Variants in MYO18B observed in about 807,000 individuals in gnomAD.
MYO18B encodes the protein myosin XVIIIB.
Under a neutral mutation model 273.0 loss-of-function variants are expected in MYO18B, and 204 were observed. The observed-to-expected ratio is 0.75, with a 90% CI of 0.67 to 0.84. The LOEUF (loss-of-function observed/expected upper bound fraction) is 0.84, where lower values mean the gene tolerates loss of function less well. MYO18B is among the 40% of genes least tolerant of loss of function. The pLI is 0.00. For missense variants in MYO18B, 3,212 were observed against 3,287.6 expected (o/e 0.98, Z 0.56); for synonymous variants, 1,330 against 1,305.7 (o/e 1.02, Z -0.40).
chr22:26,027,867 C>T lies in MYO18B; in HGVS notation c.*12+177C>T, dbSNP rs145498620. ...GGATGCAAAGCTTTTCAGAACCCCTCTGCTGGGTACCTCTACTTCCTTGTA... is the reference window on the plus strand; with the variant it reads ...GGATGCAAAGCTTTTCAGAACCCCTTTGCTGGGTACCTCTACTTCCTTGTA... On this transcript the variant is annotated intron_variant, in intron 43 of 43. Coordinates refer to ENST00000335473, the MANE Select transcript of MYO18B (RefSeq NM_032608.7). This position sits in a 1 kb window ranked among gnomAD's most constrained non-coding sequence, Gnocchi z 4.1. 2.6e-4 allele frequency: 164 copies of T among 629,388 alleles called. 1 individual carries two copies. The highest frequency in any genetic ancestry group is 2.5e-3 in the African/African-American group (134 of 54,590). 39.0% of individuals were successfully genotyped at this position (629,388 alleles called of 1,614,324 possible). A position where few individuals can be genotyped will look rare whatever the true frequency, so the allele number is the denominator to read the frequency against.
At chr22:25,810,961 C>T (rs2088723678) in intron 12 of MYO18B, among the ~76,000 whole-genome samples, 2 of 152,196 alleles carry the variant, frequency 1.3e-5, no homozygotes, top group South Asian at 4.2e-4. Flanking sequence ...TTGTTAGTAT[C>T]ATACAGGATA....
intron 34 of MYO18B, among the ~76,000 whole-genome samples, chr22:25,927,362 CT>C (rs1199627846): frequency 6.6e-6 from 1 of 152,132 alleles, no homozygotes. Context: ...AACAGCCCCC[CT>C]AGGTGCGCCT....
intron 33 of MYO18B, 63 bp downstream of exon 33, chr22:25,911,113 C>T (rs1415517000): frequency 3.2e-6 from 4 of 1,232,224 alleles, no homozygotes; most frequent in Non-Finnish European, 4.7e-6. Context: ...GAGAGATGGG[C>T]TCATGGAGAG....
intron 21 of MYO18B, among the ~76,000 whole-genome samples, 183 bp downstream of exon 21, chr22:25,851,762 C>T (rs1021718581): frequency 5.3e-5 from 8 of 152,182 alleles, no homozygotes; most frequent in Non-Finnish European, 8.8e-5. Flanking sequence ...ATGACTTTGA[C>T]TAAGGTCCAG....
intron 9 of MYO18B, among the ~76,000 whole-genome samples, chr22:25,780,446 C>T (rs987182363): frequency 6.6e-6 from 1 of 151,624 alleles, no homozygotes; most frequent in African/African-American, 2.4e-5. Flanking sequence ...AAAAATTAGC[C>T]AAGTGTGGTG....
chr22:25,880,330 A>C (rs2091303075), intron 25 of MYO18B, among the ~76,000 whole-genome samples: 1 of 152,254 alleles, frequency 6.6e-6, no homozygotes, highest in South Asian at 2.1e-4. Flanking sequence ...AGGGTGAGGC[A>C]AGTAAACATT....
intron 22 of MYO18B, among the ~76,000 whole-genome samples, chr22:25,871,876 C>T (rs534160329): frequency 6.6e-6 from 1 of 152,236 alleles, no homozygotes; most frequent in Non-Finnish European, 1.5e-5. Context: ...TGGTTGTTTC[C>T]AATTATCTTT....
chr22:25,962,827 C>T (rs973463540), intron 39 of MYO18B, among the ~76,000 whole-genome samples: 15 of 152,162 alleles, frequency 9.9e-5, no homozygotes, highest in African/African-American at 2.2e-4. Context: ...ATGTTTATCA[C>T]GACATCTCTC....
In MYO18B at chr22:25,770,564, G is replaced by A. The variant is rs557994247; in HGVS notation, c.1580-308G>A. 7.2e-5 allele frequency among the ~76,000 whole-genome samples: 11 copies of A among 152,256 alleles called. No homozygotes were observed. In the South Asian group the frequency reaches 2.3e-3, roughly 32 times the overall value. On this transcript the variant is annotated intron_variant, in intron 5 of 43. Transcript: ENST00000335473. The stretch of plus-strand genomic sequence containing the variant: ...ATTAGTGATGTCTGCCATGGGCACT[G>A]GAGGGGGAAATGGCAGTCTGTGTGT...
chr22:25,902,673 G>T lies in MYO18B; in HGVS notation c.4884G>T (p.Glu1628Asp), dbSNP rs1451531572. ...CAGTGTTTGAGAAGGGTCTCCGTGA[G>T]AAAGTGACCCAGGAGAACACCAGTG... Reference protein sequence around the residue: ...GESVFEKGLREKVTQENTSVR... With the variant: ...GESVFEKGLRDKVTQENTSVR... Residue 1628 changes from glutamate to aspartate, a missense_variant, in exon 30 of 44, where the codon GAG becomes GAT. Transcript: ENST00000335473. The T allele has an allele frequency of 6.9e-6, 11 of 1,599,580 alleles. No individual in the cohort carries two copies. The highest frequency in any genetic ancestry group is 3.3e-4 in the Middle Eastern group (2 of 6,052).
At chr22:25,892,901 G>A (rs9620565) in intron 27 of MYO18B, among the ~76,000 whole-genome samples, 5,803 of 152,224 alleles carry the variant, frequency 0.038, 118 homozygotes, top group Middle Eastern at 0.065. Context: ...TTCCATCTGC[G>A]TGAAATTCAT....
chr22:25,819,680 T>G (rs1389655232), intron 12 of MYO18B, among the ~76,000 whole-genome samples: 1 of 152,154 alleles, frequency 6.6e-6, no homozygotes, highest in East Asian at 1.9e-4. Flanking sequence ...ATATTTCTGT[T>G]TACAGTGTAT....
At chr22:25,744,296 A>G (rs1192703218) in intron 1 of MYO18B, among the ~76,000 whole-genome samples, 1 of 152,184 alleles carries the variant, frequency 6.6e-6, no homozygotes, top group East Asian at 1.9e-4. Context: ...CCAGCTGCCA[A>G]AAGATAGGGA....
At chr22:25,836,141 G>T (rs888294318) in intron 17 of MYO18B, among the ~76,000 whole-genome samples, 1 of 152,134 alleles carries the variant, frequency 6.6e-6, no homozygotes, top group South Asian at 2.1e-4. Context: ...CAAGAGGGGA[G>T]ATGAAGGCGT....
intron 17 of MYO18B, among the ~76,000 whole-genome samples, chr22:25,836,033 A>G (rs774358876): frequency 6.4e-4 from 97 of 152,138 alleles, no homozygotes; most frequent in Admixed American, 3.1e-3. Flanking sequence ...TCAGGGTGAG[A>G]GAGGAGCTGG....
At chr22:25,915,234 G>T (rs2092242301) in intron 33 of MYO18B, among the ~76,000 whole-genome samples, 1 of 152,096 alleles carries the variant, frequency 6.6e-6, no homozygotes. Flanking sequence ...TACAGTGATG[G>T]ATTGCTTAGT....
chr22:25,993,449 C>T (rs1255669081), intron 40 of MYO18B, among the ~76,000 whole-genome samples: 4 of 152,192 alleles, frequency 2.6e-5, no homozygotes, highest in Admixed American at 2.6e-4. Flanking sequence ...CCTGTACACA[C>T]CTGAGCAGGC....
chr22:25,983,652 G>T (rs542636557), intron 39 of MYO18B: 12 of 152,338 alleles, frequency 7.9e-5, no homozygotes, highest in African/African-American at 2.9e-4. Flanking sequence ...CTTCTGGTAG[G>T]TTCTGCCAAT....
intron 34 of MYO18B, among the ~76,000 whole-genome samples, chr22:25,927,113 G>T (rs1234862389): frequency 6.6e-6 from 1 of 152,152 alleles, no homozygotes; most frequent in Non-Finnish European, 1.5e-5. Flanking sequence ...TGCACAAATT[G>T]TACAGCATGT....
Sources: allele counts gnomAD v4.1 joint callset (sites outside exome capture counted in the v4.1 genomes callset), GRCh38; gene constraint gnomAD v4.1.1; non-coding constraint Gnocchi (gnomAD v3.1); transcripts MANE v1.5; gene names NCBI Gene and HGNC (gene_info 2026-07-23, HGNC 2026-07-21).